Variants in RASA3 observed in about 807,000 individuals in gnomAD.
RASA3 encodes RAS p21 protein activator 3, also known as ras GTPase-activating protein 3.
Under a neutral mutation model 110.0 loss-of-function variants are expected in RASA3, and 73 were observed. The observed-to-expected ratio is 0.66, with a 90% CI of 0.55 to 0.81. The LOEUF (loss-of-function observed/expected upper bound fraction) is 0.81. RASA3 is among the 30% of genes least tolerant of loss of function. The pLI is 0.00. For missense variants in RASA3, 976 were observed against 1,113.2 expected (o/e 0.88, Z 1.75); for synonymous variants, 500 against 451.4 (o/e 1.11, Z -1.37).
chr13:114,132,038 G>C (rs1178774169), intron 1 of RASA3, among the ~76,000 whole-genome samples: 1 of 152,062 alleles, frequency 6.6e-6, no homozygotes, highest in Non-Finnish European at 1.5e-5. Flanking sequence ...GACGTCAGTG[G>C]ATTTGACACC....
chr13:114,019,264 G>A (rs1184632133), intron 9 of RASA3, among the ~76,000 whole-genome samples: 6 of 152,232 alleles, frequency 3.9e-5, no homozygotes, highest in Non-Finnish European at 7.3e-5. Flanking sequence ...GCAGCAGGTG[G>A]AAATGAAAAT....
chr13:114,040,154 G>A (rs182299813), intron 4 of RASA3, among the ~76,000 whole-genome samples: 31 of 152,390 alleles, frequency 2.0e-4, no homozygotes, highest in Admixed American at 2.0e-3. Context: ...AGTAGGCAAA[G>A]GGAAAACCCA....
At chr13:114,074,439 C>G (rs924288729) in intron 1 of RASA3, among the ~76,000 whole-genome samples, 1 of 152,242 alleles carries the variant, frequency 6.6e-6, no homozygotes, top group East Asian at 1.9e-4. Context: ...CCTGCTGTGG[C>G]CGCTGACTGG....
intron 1 of RASA3, among the ~76,000 whole-genome samples, chr13:114,103,514 CCA>C (rs2080086021): frequency 6.6e-6 from 1 of 151,536 alleles, no homozygotes. Flanking sequence ...CGGCTCAGCA[CCA>C]CCACCCCCGA....
chr13:113,983,572 C>CA (rs1167048428), intron 22 of RASA3, among the ~76,000 whole-genome samples: 2 of 91,458 alleles, frequency 2.2e-5, no homozygotes, highest in Admixed American at 1.2e-4. Flanking sequence ...ACCCATATCT[C>CA]AAAAAAAATG....
intron 1 of RASA3, among the ~76,000 whole-genome samples, chr13:114,125,274 A>C (rs2080430156): frequency 6.6e-6 from 1 of 152,162 alleles, no homozygotes; most frequent in Admixed American, 6.5e-5. Flanking sequence ...ATAAAGAAAC[A>C]CCTGAGACTG....
Position 114,129,006 on chromosome 13 carries a change from C to T in RASA3, c.55+3429G>A, listed in dbSNP as rs116433151. ...TGAACACATGTATCAAGATAAGGCG[C>T]CACATTTAAAAACAAGCAGTAAGTA... On this transcript the variant is annotated intron_variant, in intron 1 of 23. Transcript: ENST00000334062. Among the ~76,000 whole-genome samples, 467 of 152,292 alleles carry T rather than the reference C, an allele frequency of 3.1e-3. 4 individuals are homozygous for T. The highest frequency in any genetic ancestry group is 0.011 in the African/African-American group (442 of 41,548).
rs2080257530 is a variant in RASA3, at chr13:114,114,837, G to A, written c.55+17598C>T. 6.6e-6 allele frequency among the ~76,000 whole-genome samples: 1 copy of A among 152,230 alleles called. No individual in the cohort carries two copies. Among genetic ancestry groups the A allele is most frequent in the South Asian group, 2.1e-4 (1 of 4,834 alleles). On this transcript the variant is annotated intron_variant, in intron 1 of 23. Coordinates refer to ENST00000334062, the MANE Select transcript of RASA3 (RefSeq NM_007368.4). This position sits in a 1 kb window ranked among gnomAD's most constrained non-coding sequence, Gnocchi z 4.8. ...GGACAGGGCAGAGTCGTGACCAACAGTGGAAAGACCCATAGCTCCCAGCTC... is the reference window on the plus strand; with the variant it reads ...GGACAGGGCAGAGTCGTGACCAACAATGGAAAGACCCATAGCTCCCAGCTC...
At chr13:114,007,652 G>A (rs2053546520) in intron 17 of RASA3, 46 bp from the exon 18 acceptor site, 1 of 1,440,274 alleles carries the variant, frequency 6.9e-7, no homozygotes, top group South Asian at 1.1e-5. Flanking sequence ...CCACACATCT[G>A]ACGTGCACGG....
At chr13:114,062,296 T>C (rs2079368446) in intron 2 of RASA3, among the ~76,000 whole-genome samples, 1 of 152,042 alleles carries the variant, frequency 6.6e-6, no homozygotes, top group Non-Finnish European at 1.5e-5. Context: ...AATTGCTTTT[T>C]TTTAAGCAAA....
At chr13:114,040,967 C>T (rs1379076726) in intron 4 of RASA3, 33 bp downstream of exon 4, 1 of 1,606,200 alleles carries the variant, frequency 6.2e-7, no homozygotes, top group East Asian at 2.2e-5. Flanking sequence ...TGTCCCAGGG[C>T]TCTGGTTTCC....
chr13:114,108,198 T>A (rs2080159880), intron 1 of RASA3, among the ~76,000 whole-genome samples: 1 of 150,784 alleles, frequency 6.6e-6, no homozygotes, highest in Non-Finnish European at 1.5e-5. Flanking sequence ...CCCGCAGCTG[T>A]CATCCCCCAT....
intron 1 of RASA3, among the ~76,000 whole-genome samples, chr13:114,121,309 G>T (rs2080373360): frequency 6.6e-6 from 1 of 152,216 alleles, no homozygotes. Context: ...GCTGTCTGGA[G>T]AGTGTCCCCA....
At chr13:114,050,670 A>C (rs562132027) in intron 3 of RASA3, among the ~76,000 whole-genome samples, 17 of 152,342 alleles carry the variant, frequency 1.1e-4, no homozygotes, top group Admixed American at 9.1e-4. Context: ...CATCTCTGTC[A>C]GGGGACTTGC....
chr13:114,043,426 G>C (rs574734583), intron 3 of RASA3, among the ~76,000 whole-genome samples: 6 of 152,260 alleles, frequency 3.9e-5, no homozygotes, highest in Admixed American at 6.5e-5. Context: ...GCAGCCCTGG[G>C]AACAGCCCTG....
At chr13:114,033,249 C>T (rs1336602340) in intron 4 of RASA3, among the ~76,000 whole-genome samples, 14 of 119,086 alleles carry the variant, frequency 1.2e-4, no homozygotes, top group East Asian at 2.7e-4. Flanking sequence ...CACGGCACCC[C>T]CACACTTGAC....
chr13:113,991,439 G>C (rs1594281137), intron 22 of RASA3, among the ~76,000 whole-genome samples: 1 of 152,200 alleles, frequency 6.6e-6, no homozygotes, highest in Non-Finnish European at 1.5e-5. Context: ...TCCATTCTGA[G>C]TGGGACTCAA....
At chr13:114,041,551 G>C (rs1231932245) in intron 3 of RASA3, among the ~76,000 whole-genome samples, 1 of 152,234 alleles carries the variant, frequency 6.6e-6, no homozygotes, top group East Asian at 1.9e-4. Flanking sequence ...GGAGCTGGCT[G>C]CACCAGAGCT....
chr13:114,017,147 T>C, intron 12 of RASA3, 90 bp downstream of exon 12: 4 of 1,171,622 alleles, frequency 3.4e-6, no homozygotes. Context: ...GCCCAGCTCG[T>C]GGTCTGGCTG....
Sources: gnomAD v4.1 joint callset for allele counts (sites outside exome capture counted in the v4.1 genomes callset) on GRCh38, gnomAD v4.1.1 for gene constraint, Gnocchi (gnomAD v3.1) non-coding constraint, MANE v1.5 for transcripts, NCBI Gene and HGNC (gene_info 2026-07-23, HGNC 2026-07-21) for gene names.